Variants in SGCZ observed in about 807,000 individuals in gnomAD.
SGCZ encodes the protein sarcoglycan zeta.
In SGCZ, 40 loss-of-function variants were observed where a neutral mutation model predicts 41.3. The observed-to-expected ratio is 0.97, with a 90% CI of 0.75 to 1.26. The LOEUF (loss-of-function observed/expected upper bound fraction) is 1.26, where lower values mean the gene tolerates loss of function less well. SGCZ is among the 50% of genes most tolerant of loss of function. The probability of loss-of-function intolerance (pLI) is 0.00; values close to 1 mark genes in which losing one functional copy is unlikely to be tolerated. For synonymous variants in SGCZ, 206 were observed against 137.5 expected, an observed-to-expected ratio of 1.50 and a Z score of -3.49; for missense variants, 552 against 369.8, an observed-to-expected ratio of 1.49 and a Z score of -4.04.
At chr8:14,734,931 A>G (rs1355640945) in intron 1 of SGCZ, among the ~76,000 whole-genome samples, 1 of 152,182 alleles carries the variant, frequency 6.6e-6, no homozygotes, top group Non-Finnish European at 1.5e-5. Flanking sequence ...GGGAATGGGT[A>G]TTCTGATTCA....
intron 1 of SGCZ, among the ~76,000 whole-genome samples, chr8:15,137,040 T>G (rs1808134702): frequency 6.6e-6 from 1 of 152,178 alleles, no homozygotes; most frequent in Non-Finnish European, 1.5e-5. Flanking sequence ...GTTTGTAACT[T>G]CCTAGAGATT....
chr8:15,115,473 G>C (rs987031910), intron 1 of SGCZ, among the ~76,000 whole-genome samples: 3 of 152,142 alleles, frequency 2.0e-5, no homozygotes, highest in African/African-American at 7.2e-5. Flanking sequence ...AGAAACTCAA[G>C]ACAAACAAAT....
chr8:14,386,854 G>C (rs1804596644), intron 2 of SGCZ, among the ~76,000 whole-genome samples: 1 of 152,030 alleles, frequency 6.6e-6, no homozygotes, highest in Non-Finnish European at 1.5e-5. Flanking sequence ...TTCTATAATG[G>C]TATTTTGGAG....
chr8:14,734,446 T>A (rs1417528309), intron 1 of SGCZ, among the ~76,000 whole-genome samples: 1 of 152,206 alleles, frequency 6.6e-6, no homozygotes, highest in Non-Finnish European at 1.5e-5. Context: ...CCGAAACTTT[T>A]ATAACAAAGT....
At chr8:14,669,607 C>T (rs1372348585) in intron 1 of SGCZ, among the ~76,000 whole-genome samples, 3 of 151,784 alleles carry the variant, frequency 2.0e-5, no homozygotes, top group African/African-American at 7.3e-5. Context: ...TTTCACTTAG[C>T]AGAATGGCCT....
intron 1 of SGCZ, among the ~76,000 whole-genome samples, chr8:14,646,372 G>T (rs987448970): frequency 6.8e-6 from 1 of 147,578 alleles, no homozygotes; most frequent in African/African-American, 2.5e-5. Context: ...TTGCTGCAAT[G>T]GGTGTGATTT....
At chr8:14,965,043 G>T (rs996222011) in intron 1 of SGCZ, among the ~76,000 whole-genome samples, 1 of 151,998 alleles carries the variant, frequency 6.6e-6, no homozygotes, top group African/African-American at 2.4e-5. Context: ...CCATTCCCGA[G>T]GTAAGACTTC....
chr8:14,430,518 C>T (rs1282982934), intron 2 of SGCZ, among the ~76,000 whole-genome samples: 1 of 152,110 alleles, frequency 6.6e-6, no homozygotes. Flanking sequence ...AAACTCTCAG[C>T]AAAATCTGCA....
At chr8:14,791,222 T>A (rs1800941013) in intron 1 of SGCZ, among the ~76,000 whole-genome samples, 1 of 152,162 alleles carries the variant, frequency 6.6e-6, no homozygotes, top group Middle Eastern at 3.4e-3. Flanking sequence ...TAATACCACA[T>A]CCTTTAAATT....
chr8:15,224,279 T>C (rs924065992), intron 1 of SGCZ, among the ~76,000 whole-genome samples: 9 of 152,192 alleles, frequency 5.9e-5, no homozygotes, highest in African/African-American at 1.9e-4. Flanking sequence ...ATAATTTTTT[T>C]AAAGACACAT....
chr8:14,901,366 C>T (rs1798961923), intron 1 of SGCZ, among the ~76,000 whole-genome samples: 1 of 152,138 alleles, frequency 6.6e-6, no homozygotes, highest in East Asian at 1.9e-4. Flanking sequence ...AATGAGTCAC[C>T]ACACACAAGG....
chr8:15,071,695 C>T (rs17120838), intron 1 of SGCZ, among the ~76,000 whole-genome samples: 10,657 of 152,034 alleles, frequency 0.07, 544 homozygotes, highest in African/African-American at 0.14. Flanking sequence ...GTTTGGGTAC[C>T]AACCTCAAAG....
At chr8:14,425,319 A>T (rs1463288517) in intron 2 of SGCZ, among the ~76,000 whole-genome samples, 1 of 152,100 alleles carries the variant, frequency 6.6e-6, no homozygotes, top group African/African-American at 2.4e-5. Context: ...TGATGTAAAA[A>T]ATTTCAAAAA....
intron 2 of SGCZ, among the ~76,000 whole-genome samples, chr8:14,517,954 T>G (rs577372686): frequency 6.6e-6 from 1 of 152,038 alleles, no homozygotes; most frequent in South Asian, 2.1e-4. Flanking sequence ...TAAACATTTC[T>G]ATGATTTATT....
intron 7 of SGCZ, among the ~76,000 whole-genome samples, chr8:14,097,468 G>T (rs1285425228): frequency 6.6e-6 from 1 of 150,544 alleles, no homozygotes; most frequent in South Asian, 2.1e-4. Flanking sequence ...GACTGTGATG[G>T]TTTCCATACT....
intron 1 of SGCZ, among the ~76,000 whole-genome samples, chr8:15,201,062 G>C (rs1800873335): frequency 6.6e-6 from 1 of 152,118 alleles, no homozygotes; most frequent in Admixed American, 6.5e-5. Flanking sequence ...TGTCACCCAG[G>C]CTGGAGTGCA....
At chr8:14,703,597 T>C (rs546707342) in intron 1 of SGCZ, among the ~76,000 whole-genome samples, 2 of 152,122 alleles carry the variant, frequency 1.3e-5, no homozygotes, top group South Asian at 4.1e-4. Context: ...ATATACTCTA[T>C]ATATGTTGAA....
At chr8:14,871,213 CA>C (rs978964465) in intron 1 of SGCZ, among the ~76,000 whole-genome samples, 18 of 144,724 alleles carry the variant, frequency 1.2e-4, no homozygotes, top group African/African-American at 3.0e-4. Context: ...CTCTCAACAA[CA>C]AAAAAAAAAG....
intron 1 of SGCZ, among the ~76,000 whole-genome samples, chr8:15,024,716 C>A (rs1298247143): frequency 6.6e-6 from 1 of 152,074 alleles, no homozygotes; most frequent in African/African-American, 2.4e-5. Flanking sequence ...GCGGGCAGAT[C>A]ATGAGGTCAG....
Sources: allele counts gnomAD v4.1 joint callset (sites outside exome capture counted in the v4.1 genomes callset), GRCh38; gene constraint gnomAD v4.1.1; transcripts MANE v1.5; gene names NCBI Gene and HGNC (gene_info 2026-07-23, HGNC 2026-07-21).